Variants in MYO16 observed in about 807,000 individuals in gnomAD.
MYO16 encodes myosin XVI.
MYO16 carries 94 observed loss-of-function variants against 205.3 expected under a neutral mutation model. The ratio of observed to expected loss-of-function variants is 0.46; its 90% confidence interval spans 0.39 to 0.54. MYO16 has a LOEUF of 0.54. Among genes scored for constraint, MYO16 ranks in the 20% least tolerant of loss-of-function variants. MYO16 has a pLI of 0.00. For synonymous variants in MYO16, 988 were observed against 954.0 expected (o/e 1.04, Z -0.66); for missense variants, 2,315 against 2,387.5 (o/e 0.97, Z 0.63).
At chr13:109,112,092 A>G (rs761865785) in intron 28 of MYO16, among the ~76,000 whole-genome samples, 4 of 152,220 alleles carry the variant, frequency 2.6e-5, no homozygotes, top group Non-Finnish European at 5.9e-5. Context: ...GGCCCTGTAC[A>G]ATATATAAAG....
intron 1 of MYO16, among the ~76,000 whole-genome samples, chr13:108,621,264 T>C (rs1039985991): frequency 2.6e-5 from 4 of 152,280 alleles, no homozygotes; most frequent in Non-Finnish European, 4.4e-5. Context: ...GTCTGATTCA[T>C]GACTGTTGCA....
intron 14 of MYO16, among the ~76,000 whole-genome samples, chr13:108,895,064 T>C (rs1302020922): frequency 6.6e-6 from 1 of 152,176 alleles, no homozygotes; most frequent in Admixed American, 6.5e-5. Context: ...GACTGATGGG[T>C]TGATATCGAT....
the MYO16 span, among the ~76,000 whole-genome samples, chr13:108,521,203 G>C: frequency 6.6e-6 from 1 of 152,212 alleles, no homozygotes; most frequent in African/African-American, 2.4e-5. Flanking sequence ...TATCTCAGGA[G>C]GGGGAGACAA....
chr13:108,716,900 A>C (rs919162743), intron 3 of MYO16, among the ~76,000 whole-genome samples: 1 of 152,212 alleles, frequency 6.6e-6, no homozygotes, highest in Non-Finnish European at 1.5e-5. Flanking sequence ...CAACAAATAC[A>C]TCTGAATTAA....
chr13:109,177,826 A>G (rs988451698), intron 33 of MYO16, among the ~76,000 whole-genome samples: 1 of 152,150 alleles, frequency 6.6e-6, no homozygotes, highest in Admixed American at 6.5e-5. Flanking sequence ...CCGACTTCTA[A>G]TTTATAATTT....
chr13:109,172,824 G>C (rs1878976201), intron 33 of MYO16, among the ~76,000 whole-genome samples: 1 of 16,190 alleles, frequency 6.2e-5, no homozygotes, highest in Non-Finnish European at 1.6e-4. Context: ...ACAATTACAT[G>C]AATGAGGTAG....
intron 16 of MYO16, among the ~76,000 whole-genome samples, chr13:108,932,524 A>G (rs530492737): frequency 6.6e-6 from 1 of 152,372 alleles, no homozygotes; most frequent in African/African-American, 2.4e-5. Context: ...TTCCATAAAT[A>G]CATTCATTAA....
the MYO16 span, among the ~76,000 whole-genome samples, chr13:108,575,724 G>A: frequency 3.3e-5 from 5 of 152,158 alleles, no homozygotes; most frequent in East Asian, 1.9e-4. Context: ...TCCCCTGCCC[G>A]CCCGCGTATA....
chr13:108,567,554 G>A, the MYO16 span, among the ~76,000 whole-genome samples: 2 of 152,166 alleles, frequency 1.3e-5, no homozygotes, highest in South Asian at 4.1e-4. Flanking sequence ...GAACCACAAA[G>A]AGGATACTCA....
intron 9 of MYO16, among the ~76,000 whole-genome samples, chr13:108,836,442 G>A (rs546484179): frequency 6.6e-5 from 10 of 152,352 alleles, no homozygotes; most frequent in African/African-American, 2.4e-4. Flanking sequence ...TGGGGTTGGA[G>A]CCTCCACACA....
At chr13:108,552,824 G>T in the MYO16 span, among the ~76,000 whole-genome samples, 1 of 152,020 alleles carries the variant, frequency 6.6e-6, no homozygotes, top group East Asian at 2.0e-4. Flanking sequence ...CAAGGTCAAG[G>T]TGATGCATCT....
intron 1 of MYO16, among the ~76,000 whole-genome samples, chr13:108,618,659 G>T (rs1879433503): frequency 6.6e-6 from 1 of 152,166 alleles, no homozygotes; most frequent in Non-Finnish European, 1.5e-5. Context: ...CCCCTTATTT[G>T]TATCCATATG....
At chr13:109,179,990 AC>A (rs1879389151) in intron 34 of MYO16, among the ~76,000 whole-genome samples, 1 of 152,056 alleles carries the variant, frequency 6.6e-6, no homozygotes, top group South Asian at 2.1e-4. Context: ...AAATAGGATG[AC>A]TCTTAGTGAC....
chr13:108,516,448 C>G, the MYO16 span, among the ~76,000 whole-genome samples: 3 of 152,158 alleles, frequency 2.0e-5, no homozygotes, highest in African/African-American at 7.2e-5. Context: ...GCGTCGCTCA[C>G]GCTGGGAGCT....
intron 4 of MYO16, among the ~76,000 whole-genome samples, chr13:108,769,337 A>C (rs564690784): frequency 4.7e-4 from 71 of 152,230 alleles, no homozygotes; most frequent in African/African-American, 1.6e-3. Flanking sequence ...CACGTGTGTG[A>C]GGGACAGGAG....
intron 10 of MYO16, among the ~76,000 whole-genome samples, chr13:108,847,876 T>C (rs1228673848): frequency 6.6e-6 from 1 of 152,178 alleles, no homozygotes. Flanking sequence ...CCCTAACTTC[T>C]TATTTTCCCT....
chr13:108,559,534 C>T, the MYO16 span, among the ~76,000 whole-genome samples: 2 of 128,760 alleles, frequency 1.6e-5, no homozygotes, highest in African/African-American at 3.0e-5. Context: ...AGTGCAGTGG[C>T]GTGATCTGGG....
Position 109,141,207 on chromosome 13 carries a change from C to A in MYO16, c.4995C>A (p.Thr1665=), listed in dbSNP as rs144612088. Residue 1665 remains threonine (T), a synonymous_variant, in exon 32 of 35, where the codon ACC becomes ACA. Coordinates refer to ENST00000457511, the MANE Select transcript of MYO16 (RefSeq NM_001198950.3). This position sits in a 1 kb window ranked among gnomAD's most constrained non-coding sequence, Gnocchi z 4.1. ...PKIPYSPVKA[T]RADARKAGSS... is the part of the protein sequence containing the mutation. ...TCCCATATTCCCCCGTGAAGGCCAC[C>A]AGGGCGGACGCCAGGAAGGCCGGCT... 2.8e-4 allele frequency: 446 copies of A among 1,607,222 alleles called. 3 individuals are homozygous for A. The African/African-American group carries it at 3.9e-3, about 14-fold the overall frequency.
the MYO16 span, among the ~76,000 whole-genome samples, chr13:108,541,808 A>T: frequency 6.6e-6 from 1 of 152,176 alleles, no homozygotes; most frequent in Non-Finnish European, 1.5e-5. Flanking sequence ...AAGTCAAAAA[A>T]TAACAGATGC....
Sources: gnomAD v4.1 joint callset for allele counts (sites outside exome capture counted in the v4.1 genomes callset) on GRCh38, gnomAD v4.1.1 for gene constraint, Gnocchi (gnomAD v3.1) non-coding constraint, MANE v1.5 for transcripts, NCBI Gene and HGNC (gene_info 2026-07-23, HGNC 2026-07-21) for gene names.